GSE1: variants seen among roughly 807,000 people sequenced by gnomAD.
GSE1 encodes Gse1 coiled-coil protein.
A neutral mutation model predicts 112.6 loss-of-function variants in GSE1; 32 were observed. The observed-to-expected ratio is 0.28, with a 90% CI of 0.21 to 0.38. The LOEUF is 0.38. GSE1 is among the 10% of genes least tolerant of loss of function. The pLI is 1.00. For synonymous variants in GSE1, 1,115 were observed against 735.6 expected (o/e 1.52, Z -8.35); for missense variants, 2,348 against 1,699.2 (o/e 1.38, Z -6.71).
intron 1 of GSE1, among the ~76,000 whole-genome samples, chr16:85,220,047 T>C (rs2075365417): frequency 6.6e-6 from 1 of 152,228 alleles, no homozygotes; most frequent in Non-Finnish European, 1.5e-5. Context: ...CCAGACTTGG[T>C]GGCCTGTGTG....
At chr16:85,290,806 A>G (rs1187887774) in intron 1 of GSE1, among the ~76,000 whole-genome samples, 1 of 151,520 alleles carries the variant, frequency 6.6e-6, no homozygotes, top group African/African-American at 2.4e-5. Flanking sequence ...GGCCAGTGCC[A>G]TGTCCTGCAT....
chr16:85,629,879 G>T (rs946338885), intron 1 of GSE1, among the ~76,000 whole-genome samples: 15 of 152,220 alleles, frequency 9.9e-5, no homozygotes, highest in Admixed American at 9.2e-4. Context: ...ATCTAGCGTT[G>T]TGTGACCAAC....
At chr16:85,601,553 C>G in intron 1 of GSE1, among the ~76,000 whole-genome samples, 1 of 152,162 alleles carries the variant, frequency 6.6e-6, no homozygotes, top group African/African-American at 2.4e-5. Context: ...CCACTGCCTC[C>G]ACGCTCACCT....
intron 1 of GSE1, among the ~76,000 whole-genome samples, chr16:85,200,712 C>G (rs1012572262): frequency 6.6e-6 from 1 of 152,222 alleles, no homozygotes. Context: ...GTAGGTCACA[C>G]AAACCTCAAC....
At chr16:85,470,311 G>A (rs72798988) in intron 2 of GSE1, among the ~76,000 whole-genome samples, 23,968 of 152,152 alleles carry the variant, frequency 0.16, 2,263 homozygotes, top group Non-Finnish European at 0.18. Flanking sequence ...TGTGGGGCTC[G>A]GCGCCCCTCA....
chr16:85,224,953 C>T (rs2075458528), intron 1 of GSE1, among the ~76,000 whole-genome samples: 1 of 152,040 alleles, frequency 6.6e-6, no homozygotes, highest in Non-Finnish European at 1.5e-5. Flanking sequence ...TATGGTGAAA[C>T]CCTGTCTGTA....
rs144910196 is a variant in GSE1, at chr16:85,428,366, G to A, written c.2464+70723G>A. 2.6e-5 allele frequency among the ~76,000 whole-genome samples: 4 copies of A among 152,326 alleles called. No homozygotes were observed. The East Asian group carries it at 5.8e-4, about 22-fold the overall frequency. ...TCAGGCATGGCATGGCTCTAACTTC[G>A]GAGCCGACCGTCTGGCTTCAGAGCT... On this transcript the variant is annotated intron_variant, in intron 2 of 2. Coordinates refer to the GSE1 transcript ENST00000637419.
chr16:85,522,670 C>G lies in GSE1; in HGVS notation c.2465-111244C>G, dbSNP rs112531921. Among the ~76,000 whole-genome samples, 352 of 152,266 alleles carry G rather than the reference C, an allele frequency of 2.3e-3. 1 individual carries two copies. Among genetic ancestry groups the G allele is most frequent in the African/African-American group, 7.7e-3 (321 of 41,548 alleles). On this transcript the variant is annotated intron_variant, in intron 2 of 2. Coordinates refer to the GSE1 transcript ENST00000637419. ...GTTCACAGCAGGCCGGCTCCGAGTC[C>G]GTGAGTGTGAGGGCGTGAGTGGGTG...
chr16:85,399,269 C>CTGCTGGGCCCCCCG (rs2048036574), intron 2 of GSE1, among the ~76,000 whole-genome samples: 1 of 152,142 alleles, frequency 6.6e-6, no homozygotes, highest in Non-Finnish European at 1.5e-5. Context: ...TAGGCTGCCT[C>CTGCTGGGCCCCCCG]GTCTGCTGGG....
intron 2 of GSE1, among the ~76,000 whole-genome samples, chr16:85,466,413 G>A (rs1183460192): frequency 3.9e-5 from 6 of 152,218 alleles, no homozygotes; most frequent in East Asian, 3.9e-4. Flanking sequence ...GCCAGCGCCC[G>A]TGGGCCCAGG....
At chr16:85,331,704 TATA>T (rs1297297735) in intron 1 of GSE1, among the ~76,000 whole-genome samples, 4,181 of 35,862 alleles carry the variant, frequency 0.12, 496 homozygotes, top group South Asian at 0.17. Context: ...TATATATATA[TATA>T]TTTTTTTTTT....
At chr16:85,630,375 G>A (rs1039837539) in intron 1 of GSE1, among the ~76,000 whole-genome samples, 3 of 152,200 alleles carry the variant, frequency 2.0e-5, no homozygotes, top group East Asian at 1.9e-4. Flanking sequence ...TGAGAGACAG[G>A]GTTCTGTTAC....
At chr16:85,225,093 C>T (rs1185763325) in intron 1 of GSE1, among the ~76,000 whole-genome samples, 1 of 152,002 alleles carries the variant, frequency 6.6e-6, no homozygotes, top group East Asian at 1.9e-4. Flanking sequence ...ATCGCGCCTC[C>T]AGCCTGGGTG....
intron 1 of GSE1, among the ~76,000 whole-genome samples, chr16:85,213,125 C>T (rs2075253388): frequency 6.6e-6 from 1 of 151,988 alleles, no homozygotes. Flanking sequence ...AAAAATTAGC[C>T]AGCCGTGGTG....
chr16:85,363,847 A>C (rs1202814472), intron 2 of GSE1, among the ~76,000 whole-genome samples: 1 of 152,146 alleles, frequency 6.6e-6, no homozygotes, highest in Non-Finnish European at 1.5e-5. Flanking sequence ...AAGACACAGC[A>C]TGCCCTCCGT....
At chr16:85,611,859 G>A (rs2048005489), upstream of GSE1, among the ~76,000 whole-genome samples, 1 of 151,938 alleles carries the variant, frequency 6.6e-6, no homozygotes, top group Admixed American at 6.5e-5. Flanking sequence ...GGCTGGCGCG[G>A]GGAGGGGGAG....
At chr16:85,654,649 G>A in intron 4 of GSE1, 145 bp from the exon 5 acceptor site, 1 of 720,274 alleles carries the variant, frequency 1.4e-6, no homozygotes, top group Non-Finnish European at 2.4e-6. Context: ...TCCCCCCGCT[G>A]CTTAAGCCCC....
intron 1 of GSE1, among the ~76,000 whole-genome samples, chr16:85,313,646 C>T (rs1188111506): frequency 6.6e-6 from 1 of 152,146 alleles, no homozygotes; most frequent in African/African-American, 2.4e-5. Context: ...AAGGAGGATT[C>T]TGGAGCCTGC....
At chr16:85,522,838 A>G (rs1192242431) in intron 2 of GSE1, among the ~76,000 whole-genome samples, 1 of 151,594 alleles carries the variant, frequency 6.6e-6, no homozygotes, top group Non-Finnish European at 1.5e-5. Context: ...AGGAGTGAGT[A>G]TGTTGTGTAT....
Sources: allele counts gnomAD v4.1 joint callset (sites outside exome capture counted in the v4.1 genomes callset), GRCh38; gene constraint gnomAD v4.1.1; transcripts MANE v1.5; gene names NCBI Gene and HGNC (gene_info 2026-07-23, HGNC 2026-07-21).